Variants in CNOT10 observed in about 807,000 individuals in gnomAD.
CNOT10 encodes CCR4-NOT transcription complex subunit 10, also known as CCR4-NOT transcription complex, subunit 10.
Under a neutral mutation model 94.6 loss-of-function variants are expected in CNOT10, and 30 were observed. That is an observed-to-expected ratio of 0.32 (90% CI 0.24 to 0.43). CNOT10 has a LOEUF of 0.43. Ranked by LOEUF, CNOT10 falls within the 20% of genes least tolerant of loss-of-function variation. The pLI, the probability that CNOT10 is intolerant of heterozygous loss-of-function variation, is 1.00. For missense variants in CNOT10, 759 were observed against 877.2 expected, an observed-to-expected ratio of 0.87 and a Z score of 1.70; for synonymous variants, 289 against 301.6, an observed-to-expected ratio of 0.96 and a Z score of 0.43.
rs186882786 is a variant in CNOT10 at position 32,720,101 on chromosome 3, A to G, written c.745-13A>G. 64 of 1,350,976 alleles carry G rather than the reference A, an allele frequency of 4.7e-5. No individual in the cohort carries two copies. The highest frequency in any genetic ancestry group is 4.6e-4 in the African/African-American group (32 of 70,092). 83.7% of individuals were successfully genotyped at this position (1,350,976 alleles called of 1,614,324 possible). ...AAAACAAATTATAAGTAACTTTTAT[A>G]TTTTCTCTACAGTCCGCACCCTCTC... On this transcript the variant is annotated splice_polypyrimidine_tract_variant and intron_variant, in intron 7 of 18. Coordinates refer to ENST00000328834, the MANE Select transcript of CNOT10 (RefSeq NM_015442.3).
intron 1 of CNOT10, among the ~76,000 whole-genome samples, chr3:32,686,943 G>A (rs1215847776): frequency 6.6e-6 from 1 of 152,076 alleles, no homozygotes; most frequent in East Asian, 1.9e-4. Context: ...CTGCTGTTCA[G>A]TCTGTTGGAG....
chr3:32,736,762 C>T (rs1236902028), intron 12 of CNOT10, among the ~76,000 whole-genome samples: 1 of 152,014 alleles, frequency 6.6e-6, no homozygotes, highest in East Asian at 1.9e-4. Context: ...GGGCAACAGT[C>T]TCAAAAACCC....
chr3:32,709,651 A>G (rs1345767390), intron 4 of CNOT10, among the ~76,000 whole-genome samples: 1 of 152,130 alleles, frequency 6.6e-6, no homozygotes, highest in Non-Finnish European at 1.5e-5. Flanking sequence ...TCTTTCCCTC[A>G]ATCCTGAGAG....
chr3:32,690,341 A>G (rs1017184363), intron 1 of CNOT10, among the ~76,000 whole-genome samples: 1 of 152,160 alleles, frequency 6.6e-6, no homozygotes, highest in Non-Finnish European at 1.5e-5. Context: ...AGGTATGGTA[A>G]CAGGTTAAAT....
intron 5 of CNOT10, among the ~76,000 whole-genome samples, chr3:32,713,981 G>T (rs554361693): frequency 6.6e-5 from 10 of 152,188 alleles, no homozygotes; most frequent in South Asian, 2.1e-4. Context: ...GACCATTCAT[G>T]TACAAATTTT....
intron 13 of CNOT10, among the ~76,000 whole-genome samples, chr3:32,757,553 A>G (rs143321602): frequency 1.6e-4 from 25 of 152,260 alleles, no homozygotes; most frequent in African/African-American, 5.5e-4. Context: ...TACATATCTG[A>G]TATGTTGTAG....
intron 3 of CNOT10, among the ~76,000 whole-genome samples, chr3:32,706,395 C>T (rs896494043): frequency 1.3e-5 from 2 of 152,136 alleles, no homozygotes; most frequent in Non-Finnish European, 2.9e-5. Flanking sequence ...GAAGTTCTTT[C>T]ACTAGCTTTT....
intron 18 of CNOT10, among the ~76,000 whole-genome samples, chr3:32,773,024 C>G (rs1394433674): frequency 6.6e-6 from 1 of 152,124 alleles, no homozygotes; most frequent in Non-Finnish European, 1.5e-5. Context: ...CACCACCATG[C>G]CCAGCTAATT....
intron 1 of CNOT10, among the ~76,000 whole-genome samples, chr3:32,693,877 T>C (rs1366506267): frequency 3.3e-5 from 5 of 152,228 alleles, no homozygotes; most frequent in Non-Finnish European, 7.3e-5. Flanking sequence ...TTAAAATGTA[T>C]AATTGACTGA....
At chr3:32,700,595 G>C (rs1182276487) in intron 1 of CNOT10, among the ~76,000 whole-genome samples, 1 of 152,130 alleles carries the variant, frequency 6.6e-6, no homozygotes, top group African/African-American at 2.4e-5. Flanking sequence ...TCTTACTAAA[G>C]CCTTACAATA....
chr3:32,697,288 C>T (rs1328999861), intron 1 of CNOT10, among the ~76,000 whole-genome samples: 3 of 152,048 alleles, frequency 2.0e-5, no homozygotes, highest in Non-Finnish European at 2.9e-5. Flanking sequence ...CAGCAGTGGC[C>T]ACATGAACTA....
chr3:32,719,570 A>G (rs1025437404), intron 7 of CNOT10, among the ~76,000 whole-genome samples: 8 of 152,194 alleles, frequency 5.3e-5, no homozygotes, highest in East Asian at 1.9e-4. Context: ...AAGGTGATCT[A>G]CCATTCAAAA....
intron 7 of CNOT10, among the ~76,000 whole-genome samples, chr3:32,718,023 T>C (rs947265652): frequency 6.6e-6 from 1 of 152,152 alleles, no homozygotes; most frequent in Non-Finnish European, 1.5e-5. Context: ...TAATCTTTCA[T>C]TGATAATTTT....
rs1489339514 is a variant in CNOT10 at position 32,770,050 on chromosome 3, G to A, written c.2080+88G>A. On this transcript the variant is annotated intron_variant, in intron 18 of 18. Transcript: ENST00000328834. ...AGACAGGGTCTCACTGTGTTGCCCA[G>A]GCTGGAGTGCAGTGGTACCATCAGA... 3 of 995,842 alleles carry A rather than the reference G, an allele frequency of 3.0e-6. No individual in the cohort carries two copies. The African/African-American group carries it at 4.8e-5, about 16-fold the overall frequency. 61.7% of individuals were successfully genotyped at this position (995,842 alleles called of 1,614,324 possible).
chr3:32,701,949 C>T (rs866986649), intron 1 of CNOT10, among the ~76,000 whole-genome samples: 9 of 152,102 alleles, frequency 5.9e-5, no homozygotes, highest in South Asian at 2.1e-4. Context: ...CCCGCCACCA[C>T]GCCCAGCTAA....
In CNOT10 at chr3:32,773,799, T is replaced by A; in HGVS notation, c.*188T>A. 1 of 535,400 alleles carries A rather than the reference T, an allele frequency of 1.9e-6. No individual in the cohort carries two copies. Among genetic ancestry groups the A allele is most frequent in the Non-Finnish European group, 3.2e-6 (1 of 316,356 alleles). 33.2% of individuals were successfully genotyped at this position (535,400 alleles called of 1,614,324 possible). On this transcript the variant is annotated 3_prime_UTR_variant, in exon 19 of 19. Coordinates refer to ENST00000328834, the MANE Select transcript of CNOT10 (RefSeq NM_015442.3). The stretch of plus-strand genomic sequence containing the variant: ...CTAAGTCATCATCAGCTGTTTTTCT[T>A]AATTTCAGCCAGACTATTAATTTTG...
intron 3 of CNOT10, among the ~76,000 whole-genome samples, chr3:32,708,328 G>A (rs1292901623): frequency 6.6e-6 from 1 of 152,162 alleles, no homozygotes; most frequent in Non-Finnish European, 1.5e-5. Context: ...CTTGTAGGTT[G>A]TGAGACTAGG....
intron 13 of CNOT10, chr3:32,753,464 A>T: frequency 6.4e-7 from 1 of 1,552,972 alleles, no homozygotes; most frequent in Non-Finnish European, 8.9e-7. Context: ...GAGGATTACA[A>T]TTTGAAACTG....
intron 4 of CNOT10, among the ~76,000 whole-genome samples, chr3:32,709,548 T>G (rs6784341): frequency 0.061 from 9,331 of 152,276 alleles, 330 homozygotes; most frequent in African/African-American, 0.09. Flanking sequence ...GCTCTGTGGT[T>G]CTTTGGGAAG....
Sources: gnomAD v4.1 joint callset for allele counts (sites outside exome capture counted in the v4.1 genomes callset) on GRCh38, gnomAD v4.1.1 for gene constraint, MANE v1.5 for transcripts, NCBI Gene and HGNC (gene_info 2026-07-23, HGNC 2026-07-21) for gene names.